Variants in CACNA2D4 observed in about 807,000 individuals in gnomAD.
CACNA2D4 encodes calcium voltage-gated channel auxiliary subunit alpha2delta 4.
A neutral mutation model predicts 163.8 loss-of-function variants in CACNA2D4; 157 were observed. That is an observed-to-expected ratio of 0.96 (90% CI 0.84 to 1.09). CACNA2D4 has a LOEUF of 1.09. Among genes scored for constraint, CACNA2D4 ranks in the 50% least tolerant of loss-of-function variants. CACNA2D4 has a pLI of 0.00. For missense variants in CACNA2D4, 1,410 were observed against 1,479.9 expected (o/e 0.95, Z 0.78); for synonymous variants, 598 against 586.9 (o/e 1.02, Z -0.27).
intron 31 of CACNA2D4, chr12:1,800,679 A>T: frequency 3.4e-6 from 2 of 596,890 alleles, no homozygotes; most frequent in Non-Finnish European, 6.0e-6. Context: ...GTGGGGTTGG[A>T]CATGCCCCTC....
At chr12:1,904,868 AT>A (rs1866619016) in intron 6 of CACNA2D4, among the ~76,000 whole-genome samples, 1 of 152,122 alleles carries the variant, frequency 6.6e-6, no homozygotes, top group African/African-American at 2.4e-5. Flanking sequence ...TAGAAAACAA[AT>A]AGCAAAATGA....
rs1042319328 is a variant in CACNA2D4 at position 1,820,677 on chromosome 12, G to A, written c.2552-8954C>T. On this transcript the variant is annotated intron_variant, in intron 26 of 37. Transcript: ENST00000382722. The surrounding 1 kb of genome is among the most constrained non-coding windows in gnomAD (Gnocchi z 6.0). ...CTGCGTGCCAGCCGCTGCTCCCGCT[G>A]AGTGGAGACTCTGGCACCAGTGCCC... is the stretch of plus-strand genomic sequence containing the variant. 16 of 152,398 alleles carry A rather than the reference G, an allele frequency of 1.0e-4. No individual in the cohort carries two copies. The highest frequency in any genetic ancestry group is 3.9e-4 in the African/African-American group (16 of 41,468). The allele number at this position is 152,398 out of a possible 1,614,324, so 9.4% of individuals were successfully genotyped here.
intron 26 of CACNA2D4, among the ~76,000 whole-genome samples, chr12:1,826,619 G>A (rs115753068): frequency 0.021 from 3,171 of 152,306 alleles, 101 homozygotes; most frequent in African/African-American, 0.072. Flanking sequence ...CGGGGCCTTC[G>A]GCAGACTGGC....
chr12:1,834,844 T>A lies in CACNA2D4; in HGVS notation c.2551+5895A>T. 1 of 1,429,232 alleles carries A rather than the reference T, an allele frequency of 7.0e-7. No individual in the cohort carries two copies. Among genetic ancestry groups the A allele is most frequent in the East Asian group, 2.5e-5 (1 of 39,758 alleles). 88.5% of individuals were successfully genotyped at this position (1,429,232 alleles called of 1,614,324 possible). Reference sequence around the variant, plus strand: ...CCCGAGTCCACCCTCCTCCCCGCCCTCCAGCAGACAAGCCACACCGGGTTC... The same window carrying A: ...CCCGAGTCCACCCTCCTCCCCGCCCACCAGCAGACAAGCCACACCGGGTTC... On this transcript the variant is annotated intron_variant, in intron 26 of 37. Coordinates refer to ENST00000382722, the MANE Select transcript of CACNA2D4 (RefSeq NM_172364.5). This position sits in a 1 kb window ranked among gnomAD's most constrained non-coding sequence, Gnocchi z 7.6.
rs1473233070 is a variant in CACNA2D4 at position 1,918,416 on chromosome 12, C to T, written c.58G>A (p.Ala20Thr). 3.8e-6 allele frequency: 6 copies of T among 1,595,876 alleles called. No homozygotes were observed. The highest frequency in any genetic ancestry group is 1.3e-5 in the African/African-American group (1 of 74,650). ...GGGTTTGCGAGGAAGTTGGGAGTTG[C>T]AGGCATGGTGGGCCTGGGGTTGGGG... ...PLPNPRPTMPATPNFLANPSS... is the reference protein window; with the variant it reads ...PLPNPRPTMPTTPNFLANPSS... The change falls in exon 1 of 38, where the codon GCA becomes ACA. Residue 20 changes from alanine to threonine, a missense_variant. Transcript: ENST00000382722.
intron 31 of CACNA2D4, chr12:1,800,696 A>G: frequency 1.7e-6 from 1 of 594,572 alleles, no homozygotes; most frequent in Non-Finnish European, 3.0e-6. Flanking sequence ...CCTCCAGGAG[A>G]CGAGTCAAGC....
intron 6 of CACNA2D4, 52 bp downstream of exon 6, chr12:1,907,388 T>C: frequency 6.3e-7 from 1 of 1,588,744 alleles, no homozygotes; most frequent in Non-Finnish European, 8.6e-7. Context: ...GCCCCTATTA[T>C]TTCCAGAGAA....
chr12:1,879,714 A>T, intron 14 of CACNA2D4, 90 bp downstream of exon 14: 1 of 1,107,498 alleles, frequency 9.0e-7, no homozygotes. Context: ...GCTCAGAGGC[A>T]CAGCCAAGTC....
chr12:1,813,555 C>T (rs151031876), intron 26 of CACNA2D4, among the ~76,000 whole-genome samples: 50 of 152,272 alleles, frequency 3.3e-4, no homozygotes, highest in African/African-American at 1.1e-3. Context: ...TAAATAGCCA[C>T]GTATGGTTGG....
intron 18 of CACNA2D4, among the ~76,000 whole-genome samples, chr12:1,866,839 T>A (rs963530722): frequency 4.6e-5 from 7 of 150,844 alleles, no homozygotes; most frequent in African/African-American, 1.7e-4. Context: ...CCCTATGTTG[T>A]CCAGGCTGGT....
chr12:1,796,082 C>T (rs867671788), intron 35 of CACNA2D4: 6 of 316,400 alleles, frequency 1.9e-5, no homozygotes, highest in Middle Eastern at 9.1e-4. Flanking sequence ...GGACGACAGG[C>T]GTAAATCAAG....
chr12:1,834,658 G>A lies in CACNA2D4; in HGVS notation c.2551+6081C>T. 6.2e-7 allele frequency: 1 copy of A among 1,601,426 alleles called. No homozygotes were observed. The highest frequency in any genetic ancestry group is 1.3e-5 in the African/African-American group (1 of 75,054). The stretch of plus-strand genomic sequence containing the variant: ...ACCACCGGGAGCTCAAAAAGCGCCA[G>A]CCCCTGATGGGGGACCCCGAGGGCG... On this transcript the variant is annotated intron_variant, in intron 26 of 37. Transcript: ENST00000382722. This position sits in a 1 kb window ranked among gnomAD's most constrained non-coding sequence, Gnocchi z 7.6.
Position 1,913,102 on chromosome 12 carries a change from T to A in CACNA2D4, c.347A>T (p.Glu116Val), listed in dbSNP as rs762712936. 6.2e-7 allele frequency: 1 copy of A among 1,613,762 alleles called. No homozygotes were observed. Among genetic ancestry groups the A allele is most frequent in the Non-Finnish European group, 8.5e-7 (1 of 1,179,698 alleles). Residue 116 changes from glutamate to valine, a missense_variant, in exon 3 of 38, where the codon GAG becomes GTG. Glu to Val is a moderately radical substitution (Grantham distance 121). Coordinates refer to ENST00000382722, the MANE Select transcript of CACNA2D4 (RefSeq NM_172364.5). ...CCTCACCAGCTCCAAGCCATCCACC[T>A]CCTCGATCTTCAGACTGGACTCCAC... is the stretch of plus-strand genomic sequence containing the variant. ...KDVESSLKIE[E>V]VDGLELVRKF...
At chr12:1,850,873 C>A (rs1865261735) in intron 23 of CACNA2D4, among the ~76,000 whole-genome samples, 1 of 118,298 alleles carries the variant, frequency 8.5e-6, no homozygotes, top group Non-Finnish European at 1.7e-5. Context: ...CAGAGCGAGA[C>A]TCCGTCTCAA....
intron 6 of CACNA2D4, among the ~76,000 whole-genome samples, chr12:1,894,258 C>T (rs933270875): frequency 1.3e-5 from 2 of 152,108 alleles, no homozygotes; most frequent in African/African-American, 4.8e-5. Flanking sequence ...AGCCTCCCAA[C>T]AAAGGAAAAT....
At chr12:1,872,481 G>GCCTAGA (rs1345245720) in intron 18 of CACNA2D4, among the ~76,000 whole-genome samples, 1 of 152,194 alleles carries the variant, frequency 6.6e-6, no homozygotes. Flanking sequence ...GCTTTCCTCA[G>GCCTAGA]CCTAGACCTA....
chr12:1,811,685 T>A lies in CACNA2D4; in HGVS notation c.2590A>T (p.Lys864Ter), dbSNP rs1434094242. 1.9e-6 allele frequency: 3 copies of A among 1,560,328 alleles called. No homozygotes were observed. Among genetic ancestry groups the A allele is most frequent in the Non-Finnish European group, 2.6e-6 (3 of 1,151,780 alleles). ...ACCTGCCGCGTTGCCGCCCAGAATT[T>A]GCGCTGGAGGAATTCCAGCTTCATT... ...VQMKLEFLQR[K>*]FWAATRQCST... The change falls in exon 27 of 38, where the codon AAA (lysine) becomes TAA (stop). Residue 864 changes from lysine to a stop codon, truncating the protein, a stop_gained. Transcript: ENST00000382722. LOFTEE classifies it high-confidence loss of function.
intron 23 of CACNA2D4, among the ~76,000 whole-genome samples, chr12:1,847,717 C>G (rs1007957501): frequency 2.6e-5 from 4 of 152,200 alleles, no homozygotes; most frequent in African/African-American, 9.7e-5. Context: ...GGTCTCACTA[C>G]CCATAATTTG....
intron 16 of CACNA2D4, among the ~76,000 whole-genome samples, chr12:1,877,273 C>T (rs977514806): frequency 2.6e-5 from 4 of 152,180 alleles, no homozygotes; most frequent in African/African-American, 4.8e-5. Context: ...ATGATCAGTA[C>T]CCCTCAATTC....
Sources: allele counts gnomAD v4.1 joint callset (sites outside exome capture counted in the v4.1 genomes callset), GRCh38; gene constraint gnomAD v4.1.1; non-coding constraint Gnocchi (gnomAD v3.1); transcripts MANE v1.5; gene names NCBI Gene and HGNC (gene_info 2026-07-23, HGNC 2026-07-21).